LTBP1: variants seen among roughly 807,000 people sequenced by gnomAD.
LTBP1 encodes latent transforming growth factor beta binding protein 1.
A neutral mutation model predicts 207.6 loss-of-function variants in LTBP1; 129 were observed. The ratio of observed to expected loss-of-function variants is 0.62; its 90% CI spans 0.54 to 0.72. The LOEUF is 0.72. Among genes scored for constraint, LTBP1 ranks in the 30% least tolerant of loss-of-function variants. The probability of loss-of-function intolerance (pLI) is 0.00; values close to 1 mark genes in which losing one functional copy is unlikely to be tolerated. For missense variants in LTBP1, 2,281 were observed against 2,217.2 expected (o/e 1.03, Z -0.58); for synonymous variants, 963 against 833.7 (o/e 1.16, Z -2.67).
At chr2:33,169,825 T>A (rs888314599) in intron 5 of LTBP1, among the ~76,000 whole-genome samples, 1 of 152,146 alleles carries the variant, frequency 6.6e-6, no homozygotes, top group African/African-American at 2.4e-5. Context: ...AATATATGGA[T>A]AACAAGATAG....
At chr2:33,343,554 C>T (rs552983020) in intron 25 of LTBP1, among the ~76,000 whole-genome samples, 22 of 152,294 alleles carry the variant, frequency 1.4e-4, no homozygotes, top group Admixed American at 1.3e-4. Flanking sequence ...AGACTCCCTT[C>T]AGCACAGGAA....
At chr2:33,338,132 T>G (rs2094574024) in intron 24 of LTBP1, among the ~76,000 whole-genome samples, 1 of 152,228 alleles carries the variant, frequency 6.6e-6, no homozygotes, top group Admixed American at 6.5e-5. Context: ...ATTATATCAT[T>G]TTTATAAAAT....
intron 12 of LTBP1, among the ~76,000 whole-genome samples, chr2:33,258,907 A>T (rs548895027): frequency 3.2e-4 from 49 of 152,336 alleles, no homozygotes; most frequent in African/African-American, 9.1e-4. Context: ...AGGACTGATT[A>T]ATGAAAAGCA....
intron 3 of LTBP1, among the ~76,000 whole-genome samples, chr2:33,087,616 TC>T: frequency 6.6e-6 from 1 of 152,314 alleles, no homozygotes; most frequent in East Asian, 1.9e-4. Context: ...ACTCCCACCC[TC>T]TGTCCTGCCC....
chr2:33,158,163 AAAGAG>A (rs555856457), intron 5 of LTBP1, among the ~76,000 whole-genome samples: 21,742 of 140,496 alleles, frequency 0.15, 1,033 homozygotes, highest in Non-Finnish European at 0.22. Flanking sequence ...AAAAAAAAAA[AAAGAG>A]AGAGAGAGAG....
intron 2 of LTBP1, among the ~76,000 whole-genome samples, chr2:32,985,164 A>C (rs898063869): frequency 6.6e-6 from 1 of 152,190 alleles, no homozygotes; most frequent in South Asian, 2.1e-4. Context: ...TTTCCCCCGG[A>C]ACACAGGAGA....
chr2:33,244,647 T>A (rs534354992), intron 10 of LTBP1, among the ~76,000 whole-genome samples: 1 of 152,330 alleles, frequency 6.6e-6, no homozygotes, highest in East Asian at 1.9e-4. Context: ...ACTGTAAGAT[T>A]TTTTTTAAAG....
At chr2:33,145,280 T>C (rs75000680) in intron 5 of LTBP1, among the ~76,000 whole-genome samples, 2,257 of 152,254 alleles carry the variant, frequency 0.015, 48 homozygotes, top group African/African-American at 0.05. Flanking sequence ...AAAAAAACTT[T>C]ATGCAATACT....
intron 2 of LTBP1, among the ~76,000 whole-genome samples, chr2:32,995,832 G>A (rs140988972): frequency 1.9e-3 from 296 of 152,254 alleles, no homozygotes; most frequent in African/African-American, 6.9e-3. Flanking sequence ...TTTACTGTGT[G>A]TCAGCCTAAG....
At chr2:33,386,693 C>T (rs1346675404) in intron 31 of LTBP1, among the ~76,000 whole-genome samples, 1 of 152,178 alleles carries the variant, frequency 6.6e-6, no homozygotes, top group Non-Finnish European at 1.5e-5. Context: ...GGTTTGGTAG[C>T]TCATGCCTGT....
At chr2:33,085,714 AG>A (rs2078711405) in intron 3 of LTBP1, among the ~76,000 whole-genome samples, 1 of 152,190 alleles carries the variant, frequency 6.6e-6, no homozygotes, top group Admixed American at 6.5e-5. Context: ...CATAAGAGGC[AG>A]GGGGGCCAGG....
chr2:33,380,733 G>C (rs998866959), intron 31 of LTBP1, among the ~76,000 whole-genome samples: 1 of 151,878 alleles, frequency 6.6e-6, no homozygotes, highest in Non-Finnish European at 1.5e-5. Flanking sequence ...TGTTTCTCTT[G>C]ACTTTTTAAA....
Position 33,273,660 on chromosome 2 carries a change from C to A in LTBP1, c.2622C>A (p.Ile874=). Residue 874 remains isoleucine (I), a synonymous_variant, in exon 16 of 34, where the codon ATC becomes ATA. Coordinates refer to ENST00000404816, the MANE Select transcript of LTBP1 (RefSeq NM_206943.4). ...QVIAPTQVTE[I]NECTVNPDIC... ...TTATTTTATTTACTTTTAAAGAAAT[C>A]AATGAATGTACTGTGAACCCTGATA... 1.3e-6 allele frequency: 2 copies of A among 1,598,184 alleles called. No individual in the cohort carries two copies. The highest frequency in any genetic ancestry group is 1.1e-5 in the South Asian group (1 of 87,458).
chr2:33,090,962 G>C (rs1006670593), intron 3 of LTBP1, among the ~76,000 whole-genome samples: 1 of 152,192 alleles, frequency 6.6e-6, no homozygotes, highest in Non-Finnish European at 1.5e-5. Flanking sequence ...CATGACCTGA[G>C]AGGATGCTGC....
intron 7 of LTBP1, 105 bp from the exon 8 acceptor site, chr2:33,217,447 T>A (rs2090795591): frequency 1.6e-6 from 1 of 635,588 alleles, no homozygotes; most frequent in Non-Finnish European, 2.8e-6. Context: ...ATTGTGTCGA[T>A]AACAAGGGAA....
intron 3 of LTBP1, among the ~76,000 whole-genome samples, chr2:33,072,300 A>G (rs932347795): frequency 2.0e-5 from 3 of 152,190 alleles, no homozygotes; most frequent in Non-Finnish European, 2.9e-5. Context: ...AGGCACCTCC[A>G]CATGTTCAGC....
chr2:33,222,222 C>T (rs2091155571), intron 9 of LTBP1, 71 bp downstream of exon 9: 4 of 1,084,726 alleles, frequency 3.7e-6, no homozygotes, highest in African/African-American at 3.1e-5. Flanking sequence ...CAGTTGTTTG[C>T]CACGGCTTGC....
intron 5 of LTBP1, among the ~76,000 whole-genome samples, chr2:33,184,283 T>C (rs1186446897): frequency 6.6e-6 from 1 of 152,128 alleles, no homozygotes; most frequent in Non-Finnish European, 1.5e-5. Flanking sequence ...AACTTACTGA[T>C]AACAGAATAA....
At chr2:33,389,110 C>T in intron 31 of LTBP1, 74 bp from the exon 32 acceptor site, 2 of 1,601,044 alleles carry the variant, frequency 1.2e-6, no homozygotes, top group South Asian at 1.1e-5. Flanking sequence ...ATTCCCGTTG[C>T]TCTGAGCTGC....
Sources: gnomAD v4.1 joint callset for allele counts (sites outside exome capture counted in the v4.1 genomes callset) on GRCh38, gnomAD v4.1.1 for gene constraint, MANE v1.5 for transcripts, NCBI Gene and HGNC (gene_info 2026-07-23, HGNC 2026-07-21) for gene names.